RGS3: variants seen among roughly 807,000 people sequenced by gnomAD.
RGS3 encodes the protein regulator of G-protein signalling 3.
In RGS3, 80 loss-of-function variants were observed where a neutral mutation model predicts 132.6. That is an observed-to-expected ratio of 0.60 (90% CI 0.50 to 0.73). The LOEUF is 0.73. Among genes scored for constraint, RGS3 ranks in the 30% least tolerant of loss-of-function variants. The pLI is 0.00. For missense variants in RGS3, 1,382 were observed against 1,530.8 expected, an observed-to-expected ratio of 0.90 and a Z score of 1.62; for synonymous variants, 598 against 620.6, an observed-to-expected ratio of 0.96 and a Z score of 0.54.
At chr9:113,472,910 G>A (rs1408414460) in intron 3 of RGS3, among the ~76,000 whole-genome samples, 1 of 152,042 alleles carries the variant, frequency 6.6e-6, no homozygotes, top group African/African-American at 2.4e-5. Flanking sequence ...TGTGGGTGGT[G>A]CATGCCTGTA....
At chr9:113,505,595 A>G in intron 11 of RGS3, 72 bp downstream of exon 9, 1 of 1,250,372 alleles carries the variant, frequency 8.0e-7, no homozygotes, top group Non-Finnish European at 1.2e-6. Context: ...CATAGTCTGG[A>G]ACTAAAAGGG....
Position 113,507,552 on chromosome 9 carries a change from C to A in RGS3, c.1351C>A (p.Gln451Lys). ...CACCGAGGTGGCCAAGCGCGGGGGC[C>A]AGCACACCCTGCCTGCACTGTCCCG... The change falls in exon 13 of 25, where the codon CAG becomes AAG. Residue 451 changes from glutamine to lysine, a missense_variant. Coordinates refer to ENST00000350696, the Ensembl canonical transcript of RGS3. The surrounding 1 kb of genome is among the most constrained non-coding windows in gnomAD (Gnocchi z 5.0). The A allele has an allele frequency of 6.3e-7, 1 of 1,588,596 alleles. No homozygotes were observed. Among genetic ancestry groups the A allele is most frequent in the Non-Finnish European group, 8.6e-7 (1 of 1,166,646 alleles).
intron 14 of RGS3, 35 bp from the exon 13 acceptor site, chr9:113,514,423 G>A (rs770703248): frequency 1.3e-6 from 2 of 1,590,136 alleles, no homozygotes; most frequent in East Asian, 2.2e-5. Context: ...AGGAGTGACG[G>A]AAATGTCTCA....
chr9:113,520,042 A>G (rs1389311602), intron 16 of RGS3, among the ~76,000 whole-genome samples: 1 of 152,174 alleles, frequency 6.6e-6, no homozygotes, highest in South Asian at 2.1e-4. Context: ...TCAGATTCCC[A>G]AGAAGAAGCT....
upstream of RGS3, among the ~76,000 whole-genome samples, chr9:113,456,832 C>CT (rs1362802255): frequency 1.3e-5 from 2 of 152,082 alleles, no homozygotes; most frequent in Non-Finnish European, 2.9e-5. Flanking sequence ...CAGAGTTTCG[C>CT]TTTTGTCTTC....
intron 23 of RGS3, 95 bp from the exon 22 acceptor site, chr9:113,595,504 G>C: frequency 7.2e-7 from 1 of 1,384,684 alleles, no homozygotes; most frequent in Non-Finnish European, 1.0e-6. Context: ...CTCCCAGCAC[G>C]CCCATCTTTA....
At chr9:113,505,392 A>C (rs746101462) in intron 10 of RGS3, 50 bp from the exon 9 acceptor site, 1 of 1,554,420 alleles carries the variant, frequency 6.4e-7, no homozygotes, top group South Asian at 1.1e-5. Context: ...CTTGGGGTAG[A>C]GGCAAGAGCC....
At chr9:113,541,285 C>T (rs1342912503) in intron 19 of RGS3, 8 of 1,603,368 alleles carry the variant, frequency 5.0e-6, no homozygotes, top group Non-Finnish European at 6.8e-6. Context: ...CCTGAGTAGA[C>T]AGCGAGCTAA....
intron 16 of RGS3, among the ~76,000 whole-genome samples, chr9:113,519,322 A>G (rs1831824809): frequency 1.3e-5 from 2 of 152,164 alleles, no homozygotes; most frequent in Admixed American, 6.5e-5. Flanking sequence ...GACAGTTGCA[A>G]TTCGTCCAGA....
In RGS3 at chr9:113,446,002, C is replaced by G. The variant is rs1277001071; in HGVS notation, c.-13+1075C>G. On this transcript the variant is annotated intron_variant, in intron 1 of 25. Transcript: ENST00000374140. ...AATGTTTTTGAATTATAGAAAACCC[C>G]TTGGGTTTGGTGGGAGGGAGTGAGG... Among the ~76,000 whole-genome samples the G allele has an allele frequency of 2.6e-5, 4 of 152,110 alleles. No homozygotes were observed. The South Asian group carries it at 8.3e-4, about 32-fold the overall frequency.
intron 19 of RGS3, among the ~76,000 whole-genome samples, chr9:113,543,689 T>TGGAC (rs1832993040): frequency 6.6e-6 from 1 of 152,220 alleles, no homozygotes; most frequent in South Asian, 2.1e-4. Flanking sequence ...GTGACCTACC[T>TGGAC]CTGTCTACCA....
chr9:113,501,128 C>T (rs961150046), intron 10 of RGS3, among the ~76,000 whole-genome samples: 1 of 152,120 alleles, frequency 6.6e-6, no homozygotes, highest in Non-Finnish European at 1.5e-5. Flanking sequence ...CTGGGGCAGT[C>T]TCCTGGATTT....
intron 19 of RGS3, among the ~76,000 whole-genome samples, chr9:113,576,439 C>G (rs762874058): frequency 6.6e-6 from 1 of 150,994 alleles, no homozygotes; most frequent in Non-Finnish European, 1.5e-5. Context: ...TCAAGCCATT[C>G]TCCTGCCTCA....
intron 3 of RGS3, among the ~76,000 whole-genome samples, chr9:113,476,131 G>A (rs987475025): frequency 2.0e-5 from 3 of 152,058 alleles, no homozygotes; most frequent in African/African-American, 7.2e-5. Flanking sequence ...AAAAGCTGTG[G>A]CACCTGGTGC....
At chr9:113,472,784 A>G (rs767340696) in intron 3 of RGS3, among the ~76,000 whole-genome samples, 7 of 152,202 alleles carry the variant, frequency 4.6e-5, no homozygotes, top group Non-Finnish European at 8.8e-5. Flanking sequence ...CGGTGGCTCA[A>G]TCCCAGCACT....
chr9:113,544,541 G>A (rs1833031266), intron 19 of RGS3, among the ~76,000 whole-genome samples: 1 of 152,160 alleles, frequency 6.6e-6, no homozygotes, highest in Non-Finnish European at 1.5e-5. Context: ...TGGCACCAAG[G>A]CACCAAGAGG....
At chr9:113,564,511 C>G (rs1833910950) in intron 19 of RGS3, among the ~76,000 whole-genome samples, 1 of 152,204 alleles carries the variant, frequency 6.6e-6, no homozygotes, top group African/African-American at 2.4e-5. Flanking sequence ...GGAACTTGCT[C>G]AGTGACACCC....
intron 7 of RGS3, among the ~76,000 whole-genome samples, chr9:113,487,100 C>CTTTTTTTTTTTT (rs60523804): frequency 8.5e-6 from 1 of 116,968 alleles, no homozygotes; most frequent in Admixed American, 8.9e-5. Flanking sequence ...TCATTTAATT[C>CTTTTTTTTTTTT]TTTTTTTTTT....
At chr9:113,496,770 C>A (rs1830697011) in intron 8 of RGS3, among the ~76,000 whole-genome samples, 1 of 152,124 alleles carries the variant, frequency 6.6e-6, no homozygotes, top group African/African-American at 2.4e-5. Flanking sequence ...AGGCTGGTCT[C>A]AAACTCCTGA....
Sources: gnomAD v4.1 joint callset for allele counts (sites outside exome capture counted in the v4.1 genomes callset) on GRCh38, gnomAD v4.1.1 for gene constraint, Gnocchi (gnomAD v3.1) non-coding constraint, MANE v1.5 for transcripts, NCBI Gene and HGNC (gene_info 2026-07-23, HGNC 2026-07-21) for gene names.